UGT1A6: variants seen among roughly 807,000 people sequenced by gnomAD.
The protein encoded by UGT1A6 is UDP-glucuronosyltransferase 1A6.
Under a neutral mutation model 44.4 loss-of-function variants are expected in UGT1A6, and 32 were observed. The observed-to-expected ratio is 0.72, with a 90% CI of 0.54 to 0.97. The LOEUF is 0.97. Among genes scored for constraint, UGT1A6 ranks in the 50% least tolerant of loss-of-function variants. The pLI is 0.00. For missense variants in UGT1A6, 685 were observed against 661.9 expected, an observed-to-expected ratio of 1.03 and a Z score of -0.38; for synonymous variants, 238 against 248.5, an observed-to-expected ratio of 0.96 and a Z score of 0.40.
Position 233,772,833 on chromosome 2 carries a change from T to A in UGT1A6, c.*274T>A. The A allele has an allele frequency of 1.1e-6, 1 of 879,514 alleles. No homozygotes were observed. Among genetic ancestry groups the A allele is most frequent in the Non-Finnish European group, 1.6e-6 (1 of 630,664 alleles). The allele number at this position is 879,514 out of a possible 1,614,324, so 54.5% of individuals were successfully genotyped here. A position where few individuals can be genotyped will look rare whatever the true frequency, so the allele number is the denominator to read the frequency against. ...AGGACGTGCAGACAGGCTGGCATTC[T>A]AGATTACTTTTCTTACTCTGAAACA... On this transcript the variant is annotated 3_prime_UTR_variant, in exon 5 of 5. Coordinates refer to ENST00000305139, the MANE Select transcript of UGT1A6 (RefSeq NM_001072.4).
intron 1 of UGT1A6, among the ~76,000 whole-genome samples, chr2:233,751,658 T>G (rs978244282): frequency 2.0e-5 from 3 of 152,214 alleles, no homozygotes; most frequent in African/African-American, 7.2e-5. Context: ...CTCATCCTAC[T>G]GAGTGAGTTC....
intron 1 of UGT1A6, among the ~76,000 whole-genome samples, chr2:233,739,589 C>T (rs894733553): frequency 6.6e-6 from 1 of 152,224 alleles, no homozygotes; most frequent in African/African-American, 2.4e-5. Flanking sequence ...TGCATGGGGC[C>T]TATAGCCCCT....
chr2:233,731,692 C>A (rs936290602), intron 1 of UGT1A6, among the ~76,000 whole-genome samples: 1 of 152,182 alleles, frequency 6.6e-6, no homozygotes. Context: ...CATTGATGGA[C>A]ATTTGGATTG....
chr2:233,738,552 A>G (rs1690828965), intron 1 of UGT1A6, among the ~76,000 whole-genome samples: 1 of 152,208 alleles, frequency 6.6e-6, no homozygotes, highest in South Asian at 2.1e-4. Flanking sequence ...TCTCAGATAG[A>G]GATGAGGAAT....
chr2:233,772,756 T>A lies in UGT1A6; in HGVS notation c.*197T>A. On this transcript the variant is annotated 3_prime_UTR_variant, in exon 5 of 5. Transcript: ENST00000305139. The stretch of plus-strand genomic sequence containing the variant: ...TAGTCAGTAAAGATATTTGAATATG[T>A]ATCGTGCCCCCTCTGGTGTCTTTGA... The A allele has an allele frequency of 1.4e-6, 2 of 1,401,856 alleles. No homozygotes were observed. Among genetic ancestry groups the A allele is most frequent in the Non-Finnish European group, 1.9e-6 (2 of 1,069,170 alleles). 86.8% of individuals were successfully genotyped at this position (1,401,856 alleles called of 1,614,324 possible). A position where few individuals can be genotyped will look rare whatever the true frequency, so the allele number is the denominator to read the frequency against.
intron 1 of UGT1A6, among the ~76,000 whole-genome samples, chr2:233,710,054 G>A (rs2076107374): frequency 6.6e-6 from 1 of 152,154 alleles, no homozygotes; most frequent in Non-Finnish European, 1.5e-5. Context: ...TCTTTGGCTC[G>A]GCATAATGTC....
intron 1 of UGT1A6, chr2:233,755,174 G>T (rs868590389): frequency 1.1e-5 from 14 of 1,248,736 alleles, no homozygotes; most frequent in Middle Eastern, 4.4e-4. Flanking sequence ...GGTTTTTGTC[G>T]GGGTGCCACT....
chr2:233,694,648 C>CT (rs745676395), intron 1 of UGT1A6, among the ~76,000 whole-genome samples: 1 of 152,166 alleles, frequency 6.6e-6, no homozygotes, highest in Non-Finnish European at 1.5e-5. Context: ...TTTCCAGTTC[C>CT]TTTTTTATCA....
chr2:233,719,136 C>T (rs2076730014), intron 1 of UGT1A6: 26 of 1,614,246 alleles, frequency 1.6e-5, no homozygotes, highest in Non-Finnish European at 2.0e-5. Context: ...AACAGAACAT[C>T]TTCTGAAGAG....
chr2:233,713,287 C>G (rs28946880), intron 1 of UGT1A6: 2 of 1,614,230 alleles, frequency 1.2e-6, no homozygotes, highest in Non-Finnish European at 1.7e-6. Flanking sequence ...CACACTCAAT[C>G]GTTCTTTGAA....
chr2:233,704,789 A>G (rs1240438635), intron 1 of UGT1A6, among the ~76,000 whole-genome samples: 1 of 152,186 alleles, frequency 6.6e-6, no homozygotes, highest in East Asian at 1.9e-4. Context: ...TAGTCCCAAC[A>G]ATATAATTAT....
At chr2:233,729,021 C>T (rs575781595) in intron 1 of UGT1A6, 130 of 1,593,082 alleles carry the variant, frequency 8.2e-5, no homozygotes, top group Non-Finnish European at 1.0e-4. Context: ...TCCAATTACA[C>T]GTTGATTTGC....
At chr2:233,716,488 C>G (rs371843932) in intron 1 of UGT1A6, among the ~76,000 whole-genome samples, 4 of 152,302 alleles carry the variant, frequency 2.6e-5, no homozygotes, top group African/African-American at 9.6e-5. Flanking sequence ...CCGTAGTCTT[C>G]TATTCTCCAG....
At chr2:233,752,806 A>T (rs1429691743) in intron 1 of UGT1A6, among the ~76,000 whole-genome samples, 1 of 152,230 alleles carries the variant, frequency 6.6e-6, no homozygotes, top group Non-Finnish European at 1.5e-5. Flanking sequence ...TGTAGAAGGA[A>T]CACTTCCCAT....
At chr2:233,743,688 A>T (rs1211697299) in intron 1 of UGT1A6, 1 of 1,367,244 alleles carries the variant, frequency 7.3e-7, no homozygotes, top group African/African-American at 1.5e-5. Flanking sequence ...CCGCCTGTGC[A>T]GCCGCCCTCC....
intron 1 of UGT1A6, among the ~76,000 whole-genome samples, chr2:233,709,844 C>T (rs971169225): frequency 2.0e-5 from 3 of 152,212 alleles, no homozygotes; most frequent in African/African-American, 7.2e-5. Context: ...GCCATCACCA[C>T]ATTCAAGACA....
chr2:233,743,711 C>T (rs765415857), intron 1 of UGT1A6: 10 of 1,367,266 alleles, frequency 7.3e-6, no homozygotes, highest in Non-Finnish European at 9.8e-6. Context: ...CCCCGCCTCG[C>T]CATAGCGGTC....
intron 1 of UGT1A6, among the ~76,000 whole-genome samples, chr2:233,735,271 G>A (rs1195301760): frequency 1.3e-5 from 2 of 152,034 alleles, no homozygotes; most frequent in Non-Finnish European, 2.9e-5. Context: ...TTATGTAATG[G>A]CCTTCTTTGT....
At chr2:233,747,557 A>C (rs1485247055) in intron 1 of UGT1A6, 7 of 1,596,092 alleles carry the variant, frequency 4.4e-6, no homozygotes, top group Non-Finnish European at 6.0e-6. Flanking sequence ...AAAGTATGGC[A>C]ATTTTGAAAA....
Sources: allele counts gnomAD v4.1 joint callset (sites outside exome capture counted in the v4.1 genomes callset), GRCh38; gene constraint gnomAD v4.1.1; transcripts MANE v1.5; gene names NCBI Gene and HGNC (gene_info 2026-07-23, HGNC 2026-07-21).